ROBO1: variants seen among roughly 807,000 people sequenced by gnomAD.
The protein encoded by ROBO1 is roundabout guidance receptor 1.
In ROBO1, 149 loss-of-function variants were observed where a neutral mutation model predicts 195.9. That is an observed-to-expected ratio of 0.76 (90% CI 0.67 to 0.87). The LOEUF is 0.87. Among genes scored for constraint, ROBO1 ranks in the 40% least tolerant of loss-of-function variants. ROBO1 has a pLI of 0.00. For synonymous variants in ROBO1, 816 were observed against 733.2 expected, an observed-to-expected ratio of 1.11 and a Z score of -1.82; for missense variants, 1,933 against 2,068.3, an observed-to-expected ratio of 0.93 and a Z score of 1.27.
intron 2 of ROBO1, among the ~76,000 whole-genome samples, chr3:79,560,411 T>G: frequency 6.8e-6 from 1 of 145,998 alleles, no homozygotes; most frequent in Non-Finnish European, 1.5e-5. Flanking sequence ...AGGGATAGCA[T>G]TAGGAGATAT....
chr3:79,100,096 C>T (rs956000953), intron 3 of ROBO1, among the ~76,000 whole-genome samples: 26 of 151,692 alleles, frequency 1.7e-4, no homozygotes, highest in Admixed American at 1.2e-3. Context: ...TCTATGTTAC[C>T]CAGCTTTTGT....
intron 3 of ROBO1, among the ~76,000 whole-genome samples, chr3:79,000,751 C>T (rs1480980381): frequency 6.6e-6 from 1 of 152,132 alleles, no homozygotes; most frequent in African/African-American, 2.4e-5. Context: ...TACCATTTGA[C>T]CCAGCCATCC....
chr3:79,702,326 T>C (rs939950782), intron 1 of ROBO1, among the ~76,000 whole-genome samples: 1 of 151,874 alleles, frequency 6.6e-6, no homozygotes, highest in African/African-American at 2.4e-5. Context: ...GGTGGACAAT[T>C]AGTGAGGATG....
At chr3:79,564,611 T>C (rs1031637118) in intron 2 of ROBO1, among the ~76,000 whole-genome samples, 8 of 152,024 alleles carry the variant, frequency 5.3e-5, no homozygotes, top group African/African-American at 1.9e-4. Context: ...TTATAATTAT[T>C]TTTGTTATAA....
chr3:79,507,917 G>GTTTCCT (rs1449722319), intron 2 of ROBO1: 1 of 154,614 alleles, frequency 6.5e-6, no homozygotes, highest in Non-Finnish European at 1.5e-5. Context: ...AATATTACTA[G>GTTTCCT]CTTCTTTATA....
At chr3:78,877,353 T>A (rs540639482) in intron 4 of ROBO1, among the ~76,000 whole-genome samples, 35 of 151,952 alleles carry the variant, frequency 2.3e-4, no homozygotes, top group African/African-American at 7.2e-4. Flanking sequence ...GGAAGGACAA[T>A]GGAATAACAA....
intron 2 of ROBO1, among the ~76,000 whole-genome samples, chr3:79,544,911 A>G (rs1240745334): frequency 6.6e-6 from 1 of 152,130 alleles, no homozygotes; most frequent in Non-Finnish European, 1.5e-5. Context: ...TAAAATATCC[A>G]TCCAACTTAA....
chr3:78,611,045 G>A (rs1703777412), intron 28 of ROBO1, among the ~76,000 whole-genome samples: 1 of 152,128 alleles, frequency 6.6e-6, no homozygotes, highest in African/African-American at 2.4e-5. Flanking sequence ...GTATGTATGT[G>A]TGTAGACTTC....
chr3:79,228,628 G>A (rs2108845334), intron 2 of ROBO1, among the ~76,000 whole-genome samples: 1 of 152,230 alleles, frequency 6.6e-6, no homozygotes, highest in South Asian at 2.1e-4. Flanking sequence ...TCCAAAATTA[G>A]GAGGGGGCTG....
chr3:79,725,943 G>A (rs1156731857), intron 1 of ROBO1, among the ~76,000 whole-genome samples: 1 of 151,730 alleles, frequency 6.6e-6, no homozygotes, highest in Non-Finnish European at 1.5e-5. Flanking sequence ...AGTATATCTG[G>A]CACTTGTTTG....
chr3:79,379,404 G>T (rs1052401044), intron 2 of ROBO1, among the ~76,000 whole-genome samples: 1 of 152,066 alleles, frequency 6.6e-6, no homozygotes, highest in Non-Finnish European at 1.5e-5. Context: ...CTCAGTTTTG[G>T]TGTGATCCCT....
intron 2 of ROBO1, among the ~76,000 whole-genome samples, chr3:79,206,293 C>T (rs1293005117): frequency 6.6e-6 from 1 of 152,140 alleles, no homozygotes; most frequent in African/African-American, 2.4e-5. Flanking sequence ...AAAAATAAGG[C>T]TCTATTTGGC....
chr3:79,337,356 G>T (rs1487020734), intron 2 of ROBO1, among the ~76,000 whole-genome samples: 1 of 152,166 alleles, frequency 6.6e-6, no homozygotes, highest in Admixed American at 6.5e-5. Context: ...GGAGATAATT[G>T]AATCATGGAG....
At position 78,688,764 on chromosome 3, in the gene ROBO1, G is replaced by A. The variant is rs1399003715; in HGVS notation, c.1054C>T (p.His352Tyr). The change falls in exon 9 of 31, where the codon CAT (histidine) becomes TAT (tyrosine). Residue 352 changes from histidine (H) to tyrosine (Y), a missense_variant. His to Tyr is a moderately conservative substitution (Grantham distance 83). Around this residue, in one of 3 missense-constraint regions of ROBO1, gnomAD observed 1,737 missense variants for 1,882.5 expected, o/e 0.92. Transcript: ENST00000464233. The stretch of plus-strand genomic sequence containing the variant: ...TGGTCACGGGGTTTCACAACAAAAT[G>A]TGGAGGTTCTGAAGGAGGTGAAACA... ...SATLTVQEPP[H>Y]FVVKPRDQVV... 1.2e-6 allele frequency: 2 copies of A among 1,608,536 alleles called. No homozygotes were observed. Among genetic ancestry groups the A allele is most frequent in the East Asian group, 2.2e-5 (1 of 44,736 alleles).
chr3:79,509,734 T>A (rs1940600901), intron 2 of ROBO1, among the ~76,000 whole-genome samples: 1 of 152,158 alleles, frequency 6.6e-6, no homozygotes, highest in Non-Finnish European at 1.5e-5. Flanking sequence ...TGCAGCTTCA[T>A]GAATAATGTC....
chr3:79,481,821 G>A (rs1938875881), intron 2 of ROBO1, among the ~76,000 whole-genome samples: 1 of 152,070 alleles, frequency 6.6e-6, no homozygotes, highest in African/African-American at 2.4e-5. Context: ...AAAGGAATGT[G>A]CTATATTGCC....
chr3:79,602,379 G>A (rs116769767), intron 1 of ROBO1, among the ~76,000 whole-genome samples: 2,627 of 152,060 alleles, frequency 0.017, 32 homozygotes, highest in Non-Finnish European at 0.026. Context: ...ATTGTGTTGC[G>A]TGCATTCTAG....
intron 1 of ROBO1, 22 bp from the exon 2 acceptor site, chr3:79,589,983 T>C (rs1048269778): frequency 1.9e-6 from 2 of 1,033,444 alleles, no homozygotes; most frequent in Non-Finnish European, 1.5e-6. Flanking sequence ...AAAAAAATAT[T>C]ATTTTGTAAT....
chr3:79,758,138 A>G (rs1704505744), intron 1 of ROBO1, among the ~76,000 whole-genome samples: 1 of 152,170 alleles, frequency 6.6e-6, no homozygotes, highest in African/African-American at 2.4e-5. Context: ...AAACTATTTT[A>G]TTCATAAATT....
Sources: allele counts gnomAD v4.1 joint callset (sites outside exome capture counted in the v4.1 genomes callset), GRCh38; gene constraint gnomAD v4.1.1; regional missense constraint gnomAD v4.1.1; transcripts MANE v1.5; gene names NCBI Gene and HGNC (gene_info 2026-07-23, HGNC 2026-07-21).